SHC3: variants seen among roughly 807,000 people sequenced by gnomAD.
SHC3 encodes the protein SHC-transforming protein 3.
In SHC3, 15 loss-of-function variants were observed where a neutral mutation model predicts 60.4. The ratio of observed to expected loss-of-function variants is 0.25; its 90% CI spans 0.17 to 0.38. The LOEUF (loss-of-function observed/expected upper bound fraction) is 0.38, where lower values mean the gene tolerates loss of function less well. Ranked by LOEUF, SHC3 falls within the 10% of genes least tolerant of loss-of-function variation. SHC3 has a pLI of 1.00. For missense variants in SHC3, 677 were observed against 786.1 expected, an observed-to-expected ratio of 0.86 and a Z score of 1.66; for synonymous variants, 294 against 325.9, an observed-to-expected ratio of 0.90 and a Z score of 1.05.
chr9:89,067,253 G>A (rs1029330800), intron 5 of SHC3, among the ~76,000 whole-genome samples: 8 of 152,204 alleles, frequency 5.3e-5, no homozygotes, highest in African/African-American at 1.4e-4. Flanking sequence ...CTCACAAGAC[G>A]TGAATGTCAG....
At chr9:89,102,925 C>T (rs1156843116) in intron 2 of SHC3, among the ~76,000 whole-genome samples, 3 of 152,070 alleles carry the variant, frequency 2.0e-5, no homozygotes, top group Non-Finnish European at 4.4e-5. Context: ...ACATAGTGGC[C>T]TTGTAGCTCA....
intron 11 of SHC3, among the ~76,000 whole-genome samples, chr9:89,024,458 T>C (rs1265771182): frequency 6.6e-6 from 1 of 152,136 alleles, no homozygotes; most frequent in Non-Finnish European, 1.5e-5. Context: ...TATTAAATAC[T>C]GCCTGTCCTG....
chr9:89,059,780 TG>T (rs1825048242), intron 6 of SHC3, among the ~76,000 whole-genome samples: 2 of 14,086 alleles, frequency 1.4e-4, no homozygotes, highest in Admixed American at 9.1e-4. Flanking sequence ...TGGTGGAGGA[TG>T]GTGGTGGAGG....
In SHC3 at chr9:89,125,142, T is replaced by C. The variant is rs371025416; in HGVS notation, c.475-12516A>G. Among the ~76,000 whole-genome samples the C allele has an allele frequency of 4.1e-4, 63 of 152,240 alleles. 2 individuals carry two copies. In the South Asian group the frequency reaches 0.011, roughly 26 times the overall value. Reference sequence around the variant, plus strand: ...GGGTCTGCAGCAGTGGGTCTCCAAGTGCTCAGGCCAGCAGCATCAACATCA... The same window carrying C: ...GGGTCTGCAGCAGTGGGTCTCCAAGCGCTCAGGCCAGCAGCATCAACATCA... On this transcript the variant is annotated intron_variant, in intron 1 of 11. Transcript: ENST00000375835.
chr9:89,110,487 A>G (rs375436626), intron 2 of SHC3: 2 of 982,786 alleles, frequency 2.0e-6, no homozygotes, highest in African/African-American at 3.5e-5. Flanking sequence ...CTTAGTTACC[A>G]TGGAGACCTT....
At chr9:89,144,400 C>A (rs1199849927) in intron 1 of SHC3, among the ~76,000 whole-genome samples, 1 of 152,214 alleles carries the variant, frequency 6.6e-6, no homozygotes, top group African/African-American at 2.4e-5. Flanking sequence ...TTGTTAAACG[C>A]AAGCTGCTAG....
At chr9:89,165,056 C>T (rs1228039558) in intron 1 of SHC3, among the ~76,000 whole-genome samples, 1 of 152,140 alleles carries the variant, frequency 6.6e-6, no homozygotes, top group African/African-American at 2.4e-5. Flanking sequence ...CAATAGGGAA[C>T]TGTTGGAATA....
chr9:89,063,268 T>C (rs2117972206), intron 6 of SHC3, among the ~76,000 whole-genome samples: 1 of 152,308 alleles, frequency 6.6e-6, no homozygotes. Flanking sequence ...TAGCTAGGAC[T>C]ATAGGTGTGC....
chr9:89,052,155 T>C lies in SHC3; in HGVS notation c.844A>G (p.Ile282Val). The C allele has an allele frequency of 6.2e-7, 1 of 1,613,700 alleles. No individual in the cohort carries two copies. Among genetic ancestry groups the C allele is most frequent in the East Asian group, 2.2e-5 (1 of 44,840 alleles). The change falls in exon 7 of 12, where the codon ATT becomes GTT. Residue 282 changes from isoleucine to valine, a missense_variant. Physicochemically the swap from Ile to Val is conservative, Grantham distance 29. Transcript: ENST00000375835. ...GCCAGCCCATCACAGCATTCCAAAA[T>C]GTGACAAGCTGGGAAAGCAAGTGAC... ...KDPVNRRACHILECCDGLAQD... is the reference protein window; with the variant it reads ...KDPVNRRACHVLECCDGLAQD...
At chr9:89,032,425 G>A (rs530846129) in intron 11 of SHC3, among the ~76,000 whole-genome samples, 34 of 152,274 alleles carry the variant, frequency 2.2e-4, no homozygotes, top group Non-Finnish European at 4.4e-4. Flanking sequence ...ACATTCAAAT[G>A]CAAGCACAGT....
chr9:89,114,578 A>G (rs913529548), intron 1 of SHC3, among the ~76,000 whole-genome samples: 11 of 152,180 alleles, frequency 7.2e-5, no homozygotes, highest in Non-Finnish European at 1.5e-4. Flanking sequence ...TGTAAATACT[A>G]TACCATATTA....
chr9:89,172,725 C>T (rs1042937974), intron 1 of SHC3, among the ~76,000 whole-genome samples: 6 of 152,174 alleles, frequency 3.9e-5, no homozygotes, highest in African/African-American at 1.4e-4. Flanking sequence ...AAATTGTTTT[C>T]TTGTCCTTTA....
At chr9:89,034,775 T>A (rs1824544892) in intron 11 of SHC3, among the ~76,000 whole-genome samples, 1 of 152,200 alleles carries the variant, frequency 6.6e-6, no homozygotes, top group Admixed American at 6.5e-5. Flanking sequence ...AAAAGACACC[T>A]TAAAAACTAA....
At chr9:89,060,044 G>A (rs535395510) in intron 6 of SHC3, among the ~76,000 whole-genome samples, 11 of 149,940 alleles carry the variant, frequency 7.3e-5, no homozygotes, top group Admixed American at 3.3e-4. Flanking sequence ...GTGTTAGGAC[G>A]TGGTGGAGGA....
intron 1 of SHC3, among the ~76,000 whole-genome samples, chr9:89,154,352 C>CA (rs1188613969): frequency 3.3e-5 from 5 of 152,172 alleles, no homozygotes; most frequent in Admixed American, 3.3e-4. Context: ...CATGTGTCCA[C>CA]AGAGTCCCAG....
chr9:89,065,635 A>G (rs1043939058), intron 5 of SHC3, 55 bp from the exon 6 acceptor site: 110 of 1,566,890 alleles, frequency 7.0e-5, no homozygotes, highest in Non-Finnish European at 8.9e-5. Flanking sequence ...GAGACCACAC[A>G]GTCAGGGACA....
chr9:89,072,429 G>A (rs1207456090), intron 4 of SHC3, among the ~76,000 whole-genome samples: 1 of 152,088 alleles, frequency 6.6e-6, no homozygotes, highest in African/African-American at 2.4e-5. Context: ...GGGGGGAAAT[G>A]TGGCCCATCT....
At chr9:89,021,879 G>A (rs1468968945) in intron 11 of SHC3, among the ~76,000 whole-genome samples, 5 of 152,098 alleles carry the variant, frequency 3.3e-5, no homozygotes, top group Non-Finnish European at 7.4e-5. Flanking sequence ...GGAGGAGGTC[G>A]GCCCTGGAGC....
intron 3 of SHC3, among the ~76,000 whole-genome samples, chr9:89,075,458 T>C (rs142115388): frequency 6.6e-6 from 1 of 152,136 alleles, no homozygotes; most frequent in African/African-American, 2.4e-5. Flanking sequence ...AATGCTGAGG[T>C]GAAAACTCTT....
Sources: gnomAD v4.1 joint callset for allele counts (sites outside exome capture counted in the v4.1 genomes callset) on GRCh38, gnomAD v4.1.1 for gene constraint, MANE v1.5 for transcripts, NCBI Gene and HGNC (gene_info 2026-07-23, HGNC 2026-07-21) for gene names.